CTDSPL: variants seen among roughly 807,000 people sequenced by gnomAD.
CTDSPL encodes the protein CTD small phosphatase-like protein.
A neutral mutation model predicts 30.5 loss-of-function variants in CTDSPL; 8 were observed. That is an observed-to-expected ratio of 0.26 (90% CI 0.15 to 0.47). The LOEUF (loss-of-function observed/expected upper bound fraction) is 0.47, where lower values mean the gene tolerates loss of function less well. CTDSPL is among the 20% of genes least tolerant of loss of function. The probability of loss-of-function intolerance (pLI) is 0.99; values close to 1 mark genes in which losing one functional copy is unlikely to be tolerated. For missense variants in CTDSPL, 248 were observed against 366.1 expected, an observed-to-expected ratio of 0.68 and a Z score of 2.63; for synonymous variants, 110 against 137.9, an observed-to-expected ratio of 0.80 and a Z score of 1.42.
intron 3 of CTDSPL, among the ~76,000 whole-genome samples, chr3:37,958,984 T>C (rs1485948097): frequency 4.6e-5 from 7 of 152,210 alleles, no homozygotes; most frequent in Non-Finnish European, 1.0e-4. Flanking sequence ...CCAGGTTGCA[T>C]AAGCAGCGTG....
Position 37,982,833 on chromosome 3 carries a change from A to G in CTDSPL, c.*1966A>G, listed in dbSNP as rs567053284. 1 of 361,018 alleles carries G rather than the reference A, an allele frequency of 2.8e-6. No individual in the cohort carries two copies. Among genetic ancestry groups the G allele is most frequent in the Non-Finnish European group, 5.5e-6 (1 of 182,074 alleles). 22.4% of individuals were successfully genotyped at this position (361,018 alleles called of 1,614,324 possible). A position where few individuals can be genotyped will look rare whatever the true frequency, so the allele number is the denominator to read the frequency against. On this transcript the variant is annotated 3_prime_UTR_variant, in exon 8 of 8. Coordinates refer to ENST00000273179, the MANE Select transcript of CTDSPL (RefSeq NM_001008392.2). ...TCATTAAATGAACCCACTGCCTTAA[A>G]TGTCTTGAATGTTGCAGTCAAGTGT...
At chr3:37,980,721 C>G (rs749462649) in intron 7 of CTDSPL, 21 bp from the exon 8 acceptor site, 74 of 1,613,760 alleles carry the variant, frequency 4.6e-5, no homozygotes, top group South Asian at 3.0e-4. Flanking sequence ...CCTGCTGCCT[C>G]CTCCATGCAC....
intron 1 of CTDSPL, among the ~76,000 whole-genome samples, chr3:37,932,460 T>C (rs1698865407): frequency 6.6e-6 from 1 of 151,832 alleles, no homozygotes; most frequent in Non-Finnish European, 1.5e-5. Context: ...TGCTGATATA[T>C]GACAAAGGAA....
intron 1 of CTDSPL, among the ~76,000 whole-genome samples, chr3:37,914,873 CTT>C (rs11304152): frequency 0.015 from 746 of 51,306 alleles, 3 homozygotes; most frequent in Middle Eastern, 0.036. Context: ...TATATATGTT[CTT>C]TTTTTTTTTT....
intron 1 of CTDSPL, among the ~76,000 whole-genome samples, chr3:37,930,009 A>G (rs1698832653): frequency 6.6e-6 from 1 of 151,838 alleles, no homozygotes. Flanking sequence ...CAGGAGGCTG[A>G]GGCAGGAGAA....
At chr3:37,874,670 C>T (rs1178795977) in intron 1 of CTDSPL, among the ~76,000 whole-genome samples, 2 of 152,126 alleles carry the variant, frequency 1.3e-5, no homozygotes, top group Admixed American at 1.3e-4. Context: ...GCGGAGGTTG[C>T]AGTGAGCTGA....
intron 3 of CTDSPL, among the ~76,000 whole-genome samples, chr3:37,959,920 C>G (rs1559644821): frequency 6.6e-6 from 1 of 152,166 alleles, no homozygotes; most frequent in South Asian, 2.1e-4. Flanking sequence ...AGAATAGTAT[C>G]AGGCCAGGCG....
Position 37,925,774 on chromosome 3 carries a change from A to G in CTDSPL, c.80-21283A>G, listed in dbSNP as rs375674705. 3.3e-5 allele frequency among the ~76,000 whole-genome samples: 5 copies of G among 152,098 alleles called. 1 individual carries two copies. The highest frequency in any genetic ancestry group is 1.3e-4 in the Admixed American group (2 of 15,278). On this transcript the variant is annotated intron_variant, in intron 1 of 7. Transcript: ENST00000273179. Reference sequence around the variant, plus strand: ...TGTGACAGAGAATGGGAAAAGGAGGAATGGAAGAGATGCACTAGTTGTGAA... The same window carrying G: ...TGTGACAGAGAATGGGAAAAGGAGGGATGGAAGAGATGCACTAGTTGTGAA...
At chr3:37,889,772 A>G (rs566312337) in intron 1 of CTDSPL, among the ~76,000 whole-genome samples, 15 of 152,354 alleles carry the variant, frequency 9.8e-5, no homozygotes, top group African/African-American at 3.4e-4. Flanking sequence ...CTTGTCCCAA[A>G]CAAACTGATG....
Position 37,950,515 on chromosome 3 carries a change from C to G in CTDSPL, c.234+3304C>G, listed in dbSNP as rs115938964. 6.0e-3 allele frequency among the ~76,000 whole-genome samples: 918 copies of G among 152,308 alleles called. 2 individuals carry two copies. Among genetic ancestry groups the G allele is most frequent in the Non-Finnish European group, 9.7e-3 (658 of 68,026 alleles). On this transcript the variant is annotated intron_variant, in intron 2 of 7. Transcript: ENST00000273179. The stretch of plus-strand genomic sequence containing the variant: ...ACAGGAGAATGGTCACTGCTGGGAA[C>G]TGAATTCATGTTCTGGAAAAGCAAG...
At position 37,940,526 on chromosome 3, in the gene CTDSPL, G is replaced by A. The variant is rs1486912530; in HGVS notation, c.80-6531G>A. On this transcript the variant is annotated intron_variant, in intron 1 of 7. Coordinates refer to ENST00000273179, the MANE Select transcript of CTDSPL (RefSeq NM_001008392.2). Reference sequence around the variant, plus strand: ...TTCTCAGTTTTGGCTTCATGCTCAGGTAGGTATTTCTTACGAGGTGCAAAG... The same window carrying A: ...TTCTCAGTTTTGGCTTCATGCTCAGATAGGTATTTCTTACGAGGTGCAAAG... Among the ~76,000 whole-genome samples the A allele has an allele frequency of 1.3e-5, 2 of 150,396 alleles. 1 individual carries two copies. Among genetic ancestry groups the A allele is most frequent in the Non-Finnish European group, 3.0e-5 (2 of 67,108 alleles).
intron 1 of CTDSPL, among the ~76,000 whole-genome samples, chr3:37,874,701 G>A (rs1698114300): frequency 6.6e-6 from 1 of 152,076 alleles, no homozygotes; most frequent in Admixed American, 6.6e-5. Flanking sequence ...CTGCACTCTA[G>A]CCTGGCGACA....
Position 37,964,681 on chromosome 3 carries a change from A to G in CTDSPL, c.369+9A>G, listed in dbSNP as rs180958899. On this transcript the variant is annotated intron_variant, in intron 4 of 7. Coordinates refer to ENST00000273179, the MANE Select transcript of CTDSPL (RefSeq NM_001008392.2). ...TGCACAGTTCGTTTAAGGTAAATCAACATAAAAAAAAAATCCATGATCTTT... is the reference window on the plus strand; with the variant it reads ...TGCACAGTTCGTTTAAGGTAAATCAGCATAAAAAAAAAATCCATGATCTTT... The G allele has an allele frequency of 6.3e-5, 99 of 1,581,972 alleles. No homozygotes were observed. The highest frequency in any genetic ancestry group is 5.0e-4 in the Middle Eastern group (3 of 5,986).
chr3:37,864,327 C>T (rs755553543), intron 1 of CTDSPL, among the ~76,000 whole-genome samples: 21 of 152,196 alleles, frequency 1.4e-4, no homozygotes, highest in Admixed American at 3.3e-4. Flanking sequence ...ATCAATCTAT[C>T]CAAAATCCAA....
chr3:37,882,761 G>A (rs1698222187), intron 1 of CTDSPL, among the ~76,000 whole-genome samples: 1 of 152,196 alleles, frequency 6.6e-6, no homozygotes, highest in South Asian at 2.1e-4. Context: ...TCCTCCAATA[G>A]GAGAGTATTC....
chr3:37,974,384 C>G (rs1405945684), intron 6 of CTDSPL, among the ~76,000 whole-genome samples: 1 of 152,250 alleles, frequency 6.6e-6, no homozygotes, highest in East Asian at 1.9e-4. Flanking sequence ...CTGGCACTTG[C>G]TCTGCACTCC....
At chr3:37,928,611 A>G (rs966445956) in intron 1 of CTDSPL, among the ~76,000 whole-genome samples, 11 of 152,020 alleles carry the variant, frequency 7.2e-5, no homozygotes, top group Non-Finnish European at 1.3e-4. Flanking sequence ...TTTTTTAATC[A>G]GGTTATTTGG....
At chr3:37,901,355 C>T (rs552966732) in intron 1 of CTDSPL, among the ~76,000 whole-genome samples, 24 of 152,268 alleles carry the variant, frequency 1.6e-4, no homozygotes, top group African/African-American at 5.8e-4. Context: ...CCCAGGGGGA[C>T]AGGCAGCTCT....
intron 1 of CTDSPL, among the ~76,000 whole-genome samples, chr3:37,943,842 C>T (rs1699006636): frequency 6.7e-6 from 1 of 150,314 alleles, no homozygotes; most frequent in Admixed American, 6.7e-5. Flanking sequence ...GATGAGAAAG[C>T]CAGCAGGAGC....
Sources: allele counts gnomAD v4.1 joint callset (sites outside exome capture counted in the v4.1 genomes callset), GRCh38; gene constraint gnomAD v4.1.1; transcripts MANE v1.5; gene names NCBI Gene and HGNC (gene_info 2026-07-23, HGNC 2026-07-21).